INSC: variants seen among roughly 807,000 people sequenced by gnomAD.
INSC encodes the protein INSC spindle orientation adaptor protein, also known as protein inscuteable homolog.
In INSC, 67 loss-of-function variants were observed where a neutral mutation model predicts 58.6. That is an observed-to-expected ratio of 1.14 (90% CI 0.94 to 1.40). The LOEUF (loss-of-function observed/expected upper bound fraction) is 1.40, where lower values mean the gene tolerates loss of function less well. Among genes scored for constraint, INSC ranks in the 40% most tolerant of loss-of-function variants. The pLI is 0.00. For missense variants in INSC, 714 were observed against 692.0 expected (o/e 1.03, Z -0.36); for synonymous variants, 262 against 276.1 (o/e 0.95, Z 0.51).
At chr11:15,164,022 A>G (rs1364389405) in intron 2 of INSC, among the ~76,000 whole-genome samples, 1 of 151,690 alleles carries the variant, frequency 6.6e-6, no homozygotes, top group Non-Finnish European at 1.5e-5. Context: ...TTTATTTCTA[A>G]TTCCTTCCTG....
intron 5 of INSC, among the ~76,000 whole-genome samples, chr11:15,182,496 A>G (rs1447051127): frequency 6.6e-6 from 1 of 152,218 alleles, no homozygotes; most frequent in Non-Finnish European, 1.5e-5. Flanking sequence ...TTTCTCATTG[A>G]CGGGCATTTG....
At chr11:15,194,594 T>A (rs1850303521) in intron 6 of INSC, among the ~76,000 whole-genome samples, 2 of 152,232 alleles carry the variant, frequency 1.3e-5, no homozygotes, top group African/African-American at 4.8e-5. Context: ...GTAATAGCAA[T>A]AGCTAACATT....
At chr11:15,145,814 T>C (rs1460720190) in intron 1 of INSC, among the ~76,000 whole-genome samples, 2 of 152,212 alleles carry the variant, frequency 1.3e-5, no homozygotes, top group South Asian at 2.1e-4. Context: ...GTCAAGGAAG[T>C]GGGAGCAGTA....
At chr11:15,182,900 C>T (rs969495003) in intron 5 of INSC, among the ~76,000 whole-genome samples, 3 of 152,272 alleles carry the variant, frequency 2.0e-5, no homozygotes, top group Middle Eastern at 3.4e-3. Context: ...CATCCCAAAT[C>T]TTATAGTACA....
intron 5 of INSC, among the ~76,000 whole-genome samples, chr11:15,180,470 G>T (rs2133835726): frequency 6.6e-6 from 1 of 152,088 alleles, no homozygotes. Context: ...CCTGGCCTTT[G>T]GGCTGTATAG....
chr11:15,198,249 A>C (rs1850443291), intron 6 of INSC, among the ~76,000 whole-genome samples: 1 of 152,164 alleles, frequency 6.6e-6, no homozygotes, highest in Non-Finnish European at 1.5e-5. Flanking sequence ...TCAGACATAT[A>C]GCTATTGTAG....
At chr11:15,245,788 T>C in intron 12 of INSC, 124 bp from the exon 13 acceptor site, 1 of 1,317,136 alleles carries the variant, frequency 7.6e-7, no homozygotes, top group Non-Finnish European at 1.0e-6. Context: ...AACATGATGA[T>C]CAACCCAAAT....
At chr11:15,153,179 A>C (rs1442737588) in intron 2 of INSC, among the ~76,000 whole-genome samples, 1 of 152,074 alleles carries the variant, frequency 6.6e-6, no homozygotes, top group African/African-American at 2.4e-5. Context: ...TTATTCAGTA[A>C]CTTCTCTTTT....
chr11:15,251,203 A>G (rs943746140), downstream of INSC, among the ~76,000 whole-genome samples: 1 of 152,232 alleles, frequency 6.6e-6, no homozygotes, highest in Non-Finnish European at 1.5e-5. Context: ...AGACATCCGC[A>G]TGCAAAAGTA....
At chr11:15,193,616 A>C in intron 6 of INSC, among the ~76,000 whole-genome samples, 1 of 152,240 alleles carries the variant, frequency 6.6e-6, no homozygotes, top group Non-Finnish European at 1.5e-5. Context: ...TACAAAGGAC[A>C]TGAACTCATC....
intron 1 of INSC, among the ~76,000 whole-genome samples, chr11:15,128,575 T>C (rs998642315): frequency 1.3e-5 from 2 of 152,146 alleles, no homozygotes; most frequent in African/African-American, 4.8e-5. Flanking sequence ...CTAGTCTGTG[T>C]TTGGTTGTAT....
the INSC span, among the ~76,000 whole-genome samples, chr11:15,259,495 TAAGA>T: frequency 6.6e-6 from 1 of 152,206 alleles, no homozygotes. Flanking sequence ...TCTCCTGATA[TAAGA>T]AAGAGTTGTA....
chr11:15,113,276 T>C (rs1847619371), upstream of INSC, among the ~76,000 whole-genome samples: 1 of 152,082 alleles, frequency 6.6e-6, no homozygotes, highest in Non-Finnish European at 1.5e-5. Context: ...TTCTCTTGCC[T>C]CAGCCTCCTG....
At chr11:15,200,185 AC>A (rs1850526107) in intron 6 of INSC, among the ~76,000 whole-genome samples, 1 of 151,938 alleles carries the variant, frequency 6.6e-6, no homozygotes, top group Non-Finnish European at 1.5e-5. Flanking sequence ...ACACACACAC[AC>A]ACACAAACAG....
chr11:15,127,959 C>T (rs554355881), intron 1 of INSC, among the ~76,000 whole-genome samples: 4 of 151,982 alleles, frequency 2.6e-5, no homozygotes, highest in African/African-American at 9.6e-5. Flanking sequence ...CGTGCCGTTG[C>T]ACTCCAGCCT....
intron 1 of INSC, among the ~76,000 whole-genome samples, chr11:15,115,424 C>T (rs1847668341): frequency 6.6e-6 from 1 of 152,164 alleles, no homozygotes; most frequent in Non-Finnish European, 1.5e-5. Context: ...GAAATTGGGG[C>T]TAGGGAGTGT....
At position 15,226,620 on chromosome 11, in the gene INSC, A is replaced by G. The variant is rs2133944818; in HGVS notation, c.1170+792A>G. Among the ~76,000 whole-genome samples the G allele has an allele frequency of 2.0e-5, 3 of 152,030 alleles. No individual in the cohort carries two copies. In the East Asian group the frequency reaches 5.8e-4, roughly 29 times the overall value. On this transcript the variant is annotated intron_variant, in intron 9 of 12. Transcript: ENST00000379556. ...AAGTTACATGATCCTCTCGTCCTCA[A>G]CTCAGCTTATCCCTGTCTGCATTTT...
chr11:15,200,530 C>T (rs1013838901), intron 6 of INSC, among the ~76,000 whole-genome samples: 3 of 152,154 alleles, frequency 2.0e-5, no homozygotes, highest in African/African-American at 4.8e-5. Flanking sequence ...GGGTACTGAT[C>T]GCCAGCCCTA....
At chr11:15,267,427 C>G in the INSC span, among the ~76,000 whole-genome samples, 1 of 151,884 alleles carries the variant, frequency 6.6e-6, no homozygotes, top group Admixed American at 6.6e-5. Flanking sequence ...TTCATTTCCC[C>G]CCAGTTTTTG....
Sources: allele counts gnomAD v4.1 joint callset (sites outside exome capture counted in the v4.1 genomes callset), GRCh38; gene constraint gnomAD v4.1.1; transcripts MANE v1.5; gene names NCBI Gene and HGNC (gene_info 2026-07-23, HGNC 2026-07-21).